BDNF: variants seen among roughly 807,000 people sequenced by gnomAD.
BDNF encodes neurotrophic factor BDNF precursor form.
Under a neutral mutation model 19.5 loss-of-function variants are expected in BDNF, and 1 was observed. The observed-to-expected ratio is 0.05, with a 90% confidence interval of 0.02 to 0.24. The LOEUF is 0.24. Among genes scored for constraint, BDNF ranks in the 10% least tolerant of loss-of-function variants. The pLI is 1.00. For missense variants in BDNF, 195 were observed against 317.6 expected (o/e 0.61, Z 2.93); for synonymous variants, 100 against 121.6 (o/e 0.82, Z 1.17).
chr11:27,659,656 C>T (rs573737233), intron 1 of BDNF: 139 of 970,234 alleles, frequency 1.4e-4, no homozygotes, highest in Middle Eastern at 5.6e-4. Context: ...TGTGCGCGCG[C>T]GCGTGTGCGC....
chr11:27,710,827 C>T lies in BDNF; in HGVS notation c.3+10585G>A, dbSNP rs1322049670. ...TCCAAACAATTTATAACATTTCTTA[C>T]TCAATAACTCTCAGAAGTCAACTAA... On this transcript the variant is annotated intron_variant, in intron 1 of 1. Transcript: ENST00000314915. 3.9e-5 allele frequency among the ~76,000 whole-genome samples: 6 copies of T among 152,166 alleles called. 1 individual carries two copies. The South Asian group carries it at 1.0e-3, about 26-fold the overall frequency.
chr11:27,716,204 A>T (rs1860501550), intron 1 of BDNF, among the ~76,000 whole-genome samples: 1 of 152,232 alleles, frequency 6.6e-6, no homozygotes, highest in South Asian at 2.1e-4. Flanking sequence ...TTTTGAAATT[A>T]TAATCACCTT....
intron 1 of BDNF, chr11:27,659,307 C>T: frequency 1.0e-6 from 1 of 999,556 alleles, no homozygotes; most frequent in Non-Finnish European, 1.2e-6. Flanking sequence ...CTCCCAATTC[C>T]ACTGTTCTTT....
upstream of BDNF, chr11:27,700,991 T>A: frequency 7.3e-7 from 1 of 1,361,712 alleles, no homozygotes; most frequent in Non-Finnish European, 9.8e-7. Flanking sequence ...CTTCCTGCAC[T>A]ACGGAGCTTG....
intron 1 of BDNF, chr11:27,674,107 C>T (rs368243822): frequency 8.1e-6 from 13 of 1,611,624 alleles, no homozygotes; most frequent in Admixed American, 5.0e-5. Context: ...TCCACTGAAA[C>T]GTGGAGGTAC....
upstream of BDNF, chr11:27,701,545 T>G: frequency 1.0e-6 from 1 of 988,008 alleles, no homozygotes; most frequent in Non-Finnish European, 1.2e-6. Flanking sequence ...CTCCATTTGA[T>G]CTCGGCAGAG....
chr11:27,715,049 T>C (rs934825808), intron 1 of BDNF, among the ~76,000 whole-genome samples: 1 of 152,222 alleles, frequency 6.6e-6, no homozygotes, highest in Non-Finnish European at 1.5e-5. Context: ...CCATTTGGTC[T>C]TGCTTGTTCT....
At chr11:27,709,292 AG>A (rs1435462105) in intron 1 of BDNF, among the ~76,000 whole-genome samples, 1 of 152,206 alleles carries the variant, frequency 6.6e-6, no homozygotes, top group African/African-American at 2.4e-5. Flanking sequence ...CTCTGAAATA[AG>A]TAATAATATA....
chr11:27,689,856 C>T (rs1399668735), intron 1 of BDNF, among the ~76,000 whole-genome samples: 1 of 151,958 alleles, frequency 6.6e-6, no homozygotes. Flanking sequence ...GTCTGTTTGT[C>T]CTGACGCACT....
intron 1 of BDNF, among the ~76,000 whole-genome samples, chr11:27,668,984 G>A (rs941563513): frequency 2.0e-4 from 31 of 152,214 alleles, no homozygotes; most frequent in African/African-American, 7.2e-4. Context: ...CAATATCCCT[G>A]ATGAAGATCG....
At chr11:27,687,725 TCACCAG>T (rs1295157200) in intron 1 of BDNF, among the ~76,000 whole-genome samples, 1 of 152,208 alleles carries the variant, frequency 6.6e-6, no homozygotes, top group African/African-American at 2.4e-5. Context: ...TGCCTGGGTA[TCACCAG>T]CAGAAGCTGC....
At position 27,700,411 on chromosome 11, in the gene BDNF, C is replaced by T. The variant is rs1197886559; in HGVS notation, c.-269G>A. The T allele has an allele frequency of 1.3e-5, 13 of 985,616 alleles. No homozygotes were observed. The highest frequency in any genetic ancestry group is 1.4e-5 in the Non-Finnish European group (12 of 830,022). 61.1% of individuals were successfully genotyped at this position (985,616 alleles called of 1,614,324 possible). A position where few individuals can be genotyped will look rare whatever the true frequency, so the allele number is the denominator to read the frequency against. ...GGGACAGCGAGCGGGCGGGTGCGCC[C>T]GGGCGCGGCGGCGGCAGCGTCGGGG... is the stretch of plus-strand genomic sequence containing the variant. On this transcript the variant is annotated 5_prime_UTR_variant, in exon 1 of 2. Transcript: ENST00000356660.
At chr11:27,718,614 C>T (rs1590508748) in intron 1 of BDNF, among the ~76,000 whole-genome samples, 1 of 121,862 alleles carries the variant, frequency 8.2e-6, no homozygotes, top group African/African-American at 3.0e-5. Flanking sequence ...ACTGAGAAAA[C>T]GACTGGATCT....
chr11:27,697,284 G>A (rs769566647), intron 1 of BDNF, among the ~76,000 whole-genome samples: 7 of 152,202 alleles, frequency 4.6e-5, no homozygotes, highest in Non-Finnish European at 7.3e-5. Context: ...CTCACTGTGC[G>A]TGCTGAACTA....
chr11:27,720,870 T>C, intron 1 of BDNF: 1 of 704,308 alleles, frequency 1.4e-6, no homozygotes. Context: ...CACATGTTGA[T>C]GAGAACCTTT....
chr11:27,657,188 T>C lies in BDNF; in HGVS notation c.*633A>G, dbSNP rs1178537102. The C allele has an allele frequency of 1.0e-6, 1 of 983,012 alleles. No homozygotes were observed. Among genetic ancestry groups the C allele is most frequent in the East Asian group, 1.1e-4 (1 of 8,814 alleles). The allele number at this position is 983,012 out of a possible 1,614,324, so 60.9% of individuals were successfully genotyped here. On this transcript the variant is annotated 3_prime_UTR_variant, in exon 2 of 2. Coordinates refer to ENST00000356660, the MANE Select transcript of BDNF (RefSeq NM_001709.5). The surrounding 1 kb of genome is among the most constrained non-coding windows in gnomAD (Gnocchi z 5.0). Reference sequence around the variant, plus strand: ...ATCTTTTATCAGCCAGAATATATATTGTAGGAATTCTTTCCCCATCTCTAC... The same window carrying C: ...ATCTTTTATCAGCCAGAATATATATCGTAGGAATTCTTTCCCCATCTCTAC...
chr11:27,708,825 C>CT (rs67977614), intron 1 of BDNF, among the ~76,000 whole-genome samples: 77,504 of 112,500 alleles, frequency 0.69, 27,623 homozygotes, highest in East Asian at 0.9. Flanking sequence ...TAGAATTCCT[C>CT]TTTTTTTTTT....
intron 1 of BDNF, among the ~76,000 whole-genome samples, chr11:27,683,282 G>C (rs1346789821): frequency 6.6e-6 from 1 of 152,078 alleles, no homozygotes; most frequent in Admixed American, 6.6e-5. Flanking sequence ...ACTTGTTTAG[G>C]TTCCTTGTAG....
upstream of BDNF, among the ~76,000 whole-genome samples, chr11:27,704,406 C>T (rs972473233): frequency 6.6e-6 from 1 of 152,116 alleles, no homozygotes; most frequent in African/African-American, 2.4e-5. Flanking sequence ...CAAGTGAGAA[C>T]AGAGGTAGTA....
Sources: allele counts gnomAD v4.1 joint callset (sites outside exome capture counted in the v4.1 genomes callset), GRCh38; gene constraint gnomAD v4.1.1; non-coding constraint Gnocchi (gnomAD v3.1); transcripts MANE v1.5; gene names NCBI Gene and HGNC (gene_info 2026-07-23, HGNC 2026-07-21).